The following WDR64 variants were observed in gnomAD, a reference collection of about 807,000 sequenced individuals.
WDR64 encodes WD repeat domain 64.
A neutral mutation model predicts 139.3 loss-of-function variants in WDR64; 112 were observed. That is an observed-to-expected ratio of 0.80 (90% confidence interval 0.69 to 0.94). WDR64 has a LOEUF of 0.94. WDR64 is among the 40% of genes least tolerant of loss of function. WDR64 has a pLI of 0.00. For synonymous variants in WDR64, 444 were observed against 437.7 expected, an observed-to-expected ratio of 1.01 and a Z score of -0.18; for missense variants, 1,206 against 1,293.1, an observed-to-expected ratio of 0.93 and a Z score of 1.03.
At chr1:241,726,464 C>T (rs965190657) in intron 10 of WDR64, among the ~76,000 whole-genome samples, 1 of 151,878 alleles carries the variant, frequency 6.6e-6, no homozygotes. Flanking sequence ...ACTCACAGAA[C>T]CTTACACTAA....
chr1:241,715,499 T>C (rs1341440805), intron 9 of WDR64, among the ~76,000 whole-genome samples: 1 of 152,152 alleles, frequency 6.6e-6, no homozygotes, highest in African/African-American at 2.4e-5. Context: ...GTGTGAGAGA[T>C]AAAGCAGCAA....
At chr1:241,754,140 T>G (rs540548015) in intron 14 of WDR64, among the ~76,000 whole-genome samples, 2 of 152,182 alleles carry the variant, frequency 1.3e-5, no homozygotes, top group East Asian at 3.9e-4. Flanking sequence ...AATGTTCAAC[T>G]CACAACACTC....
At chr1:241,800,460 A>C (rs375161503) in intron 27 of WDR64, among the ~76,000 whole-genome samples, 51 of 152,146 alleles carry the variant, frequency 3.4e-4, no homozygotes, top group Non-Finnish European at 6.5e-4. Context: ...TTTTATACCT[A>C]TTTCTTCCAA....
chr1:241,720,487 A>T (rs1055896688), intron 9 of WDR64, among the ~76,000 whole-genome samples: 26 of 152,072 alleles, frequency 1.7e-4, no homozygotes, highest in African/African-American at 5.8e-4. Flanking sequence ...CTTTTTAATA[A>T]TCACCATTCT....
chr1:241,787,749 T>G (rs1659090582), intron 23 of WDR64, 100 bp from the exon 24 acceptor site: 14 of 1,025,060 alleles, frequency 1.4e-5, no homozygotes, highest in Non-Finnish European at 4.2e-6. Flanking sequence ...AAAAAATCCT[T>G]GATGGACCAG....
At chr1:241,744,132 T>G (rs551988857) in intron 12 of WDR64, among the ~76,000 whole-genome samples, 1 of 152,332 alleles carries the variant, frequency 6.6e-6, no homozygotes, top group Admixed American at 6.5e-5. Flanking sequence ...AACTGACCAC[T>G]TCTTCCATGG....
chr1:241,693,992 T>C (rs1667396190), intron 8 of WDR64, among the ~76,000 whole-genome samples: 1 of 152,152 alleles, frequency 6.6e-6, no homozygotes, highest in Admixed American at 6.5e-5. Context: ...CTTCCCCACC[T>C]TTACATTTAG....
At chr1:241,697,807 G>A (rs1667553515) in intron 8 of WDR64, among the ~76,000 whole-genome samples, 1 of 152,006 alleles carries the variant, frequency 6.6e-6, no homozygotes, top group African/African-American at 2.4e-5. Flanking sequence ...CTACTCTGTG[G>A]AATCAGAAAG....
intron 1 of WDR64, 114 bp from the exon 2 acceptor site, chr1:241,660,416 G>C (rs554596062): frequency 1.5e-6 from 2 of 1,324,930 alleles, no homozygotes; most frequent in South Asian, 3.0e-5. Flanking sequence ...AATATATCTG[G>C]TTTTTATAGA....
intron 10 of WDR64, among the ~76,000 whole-genome samples, chr1:241,732,116 C>T (rs79343569): frequency 0.035 from 5,391 of 152,094 alleles, 322 homozygotes; most frequent in African/African-American, 0.12. Context: ...CTCTTGTAGC[C>T]GTTGGGTAAA....
In WDR64 at chr1:241,766,280, T is replaced by C. The variant is rs779680586; in HGVS notation, c.2010T>C (p.Asn670=). Residue 670 remains asparagine, a synonymous_variant, in exon 16 of 28, where the codon AAT becomes AAC. Coordinates refer to ENST00000437684, the MANE Select transcript of WDR64 (RefSeq NM_001367482.1). ...ATTTACTACAAGTAGAAGGATATAA[T>C]TTGATAGCAGCTGGAACCTTAAATG... ...CIDLLQVEGY[N]LIAAGTLNGV... 5 of 1,614,164 alleles carry C rather than the reference T, an allele frequency of 3.1e-6. No homozygotes were observed. The highest frequency in any genetic ancestry group is 3.4e-6 in the Non-Finnish European group (4 of 1,180,028).
At chr1:241,781,250 A>G (rs1658834584) in intron 22 of WDR64, among the ~76,000 whole-genome samples, 1 of 152,254 alleles carries the variant, frequency 6.6e-6, no homozygotes, top group Non-Finnish European at 1.5e-5. Context: ...ATTAGTAGAA[A>G]TAATTTTAAA....
At chr1:241,687,630 T>G in intron 8 of WDR64, 35 bp downstream of exon 8, 1 of 1,565,244 alleles carries the variant, frequency 6.4e-7, no homozygotes, top group African/African-American at 1.4e-5. Flanking sequence ...GAACAGTCTG[T>G]GAATTTCAAG....
In WDR64 at chr1:241,674,256, C is replaced by CTTTTTT. The variant is rs544401027; in HGVS notation, c.380-384_380-383insTTTTTT. 1.7e-4 allele frequency among the ~76,000 whole-genome samples: 21 copies of CTTTTTT among 121,326 alleles called. 4 individuals carry two copies. Among genetic ancestry groups the CTTTTTT allele is most frequent in the South Asian group, 5.2e-4 (2 of 3,844 alleles). The allele number at this position is 121,326 out of a possible 152,430, so 79.6% of individuals were successfully genotyped here. A position where few individuals can be genotyped will look rare whatever the true frequency, so the allele number is the denominator to read the frequency against. On this transcript the variant is annotated intron_variant, in intron 3 of 27. Transcript: ENST00000437684. ...AAGCTGGCTGTTTATCTTTTTTTTT[C>CTTTTTT]TTTTCTTTTTTTTTTTTTTTGAGAC... is the stretch of plus-strand genomic sequence containing the variant.
At position 241,802,162 on chromosome 1, in the gene WDR64, A is replaced by G. The variant is rs1355008951; in HGVS notation, c.*947A>G. ...GGAAAAAGCCTAGTTTCCACAACAG[A>G]AGAATGACTAAACAAACTATGGTAG... is the stretch of plus-strand genomic sequence containing the variant. On this transcript the variant is annotated 3_prime_UTR_variant, in exon 28 of 28. Transcript: ENST00000437684. The G allele has an allele frequency of 1.8e-5, 7 of 397,654 alleles. No individual in the cohort carries two copies. The Admixed American group carries it at 3.1e-4, about 18-fold the overall frequency. 24.6% of individuals were successfully genotyped at this position (397,654 alleles called of 1,614,324 possible).
intron 10 of WDR64, 29 bp from the exon 11 acceptor site, chr1:241,738,334 G>T (rs1669402132): frequency 6.2e-7 from 1 of 1,607,856 alleles, no homozygotes; most frequent in African/African-American, 1.3e-5. Flanking sequence ...AGTATAAATA[G>T]TGGTAAACTG....
intron 8 of WDR64, among the ~76,000 whole-genome samples, chr1:241,693,037 A>C (rs1667357381): frequency 2.0e-5 from 3 of 152,174 alleles, no homozygotes; most frequent in South Asian, 4.1e-4. Context: ...CCCTTACTAC[A>C]TGATCCAGCA....
chr1:241,679,426 C>A, intron 5 of WDR64, 59 bp from the exon 6 acceptor site: 1 of 1,430,876 alleles, frequency 7.0e-7, no homozygotes, highest in South Asian at 1.2e-5. Context: ...CTTTGGTGAC[C>A]ATCACCAGGT....
chr1:241,667,858 T>C (rs1666079701), intron 2 of WDR64, among the ~76,000 whole-genome samples: 1 of 152,272 alleles, frequency 6.6e-6, no homozygotes, highest in South Asian at 2.1e-4. Flanking sequence ...AAACCATTGT[T>C]GTTTTAAATT....
Sources: gnomAD v4.1 joint callset for allele counts (sites outside exome capture counted in the v4.1 genomes callset) on GRCh38, gnomAD v4.1.1 for gene constraint, MANE v1.5 for transcripts, NCBI Gene and HGNC (gene_info 2026-07-23, HGNC 2026-07-21) for gene names.